WNT2B: variants seen among roughly 807,000 people sequenced by gnomAD.
The protein encoded by WNT2B is Wnt family member 2B.
A neutral mutation model predicts 40.5 loss-of-function variants in WNT2B; 19 were observed. The ratio of observed to expected loss-of-function variants is 0.47; its 90% CI spans 0.33 to 0.69. WNT2B has a LOEUF of 0.69. Among genes scored for constraint, WNT2B ranks in the 30% least tolerant of loss-of-function variants. The pLI is 0.02. For synonymous variants in WNT2B, 220 were observed against 211.9 expected, an observed-to-expected ratio of 1.04 and a Z score of -0.33; for missense variants, 467 against 556.4, an observed-to-expected ratio of 0.84 and a Z score of 1.62.
chr1:112,468,838 G>T (rs1458800271), intron 1 of WNT2B, among the ~76,000 whole-genome samples: 1 of 151,940 alleles, frequency 6.6e-6, no homozygotes, highest in Non-Finnish European at 1.5e-5. Flanking sequence ...TTTTCGTTTT[G>T]TTGCCTGTGC....
chr1:112,510,873 AC>A (rs1388982150), intron 1 of WNT2B, among the ~76,000 whole-genome samples: 2 of 152,034 alleles, frequency 1.3e-5, no homozygotes, highest in Non-Finnish European at 2.9e-5. Flanking sequence ...GATCAAAGCT[AC>A]CTTTTGCCTT....
intron 4 of WNT2B, among the ~76,000 whole-genome samples, chr1:112,518,710 G>C (rs545603435): frequency 1.3e-5 from 2 of 152,224 alleles, no homozygotes; most frequent in Admixed American, 1.3e-4. Context: ...AGTTAGGAGG[G>C]AGGATAAGTC....
At chr1:112,488,992 G>A (rs1206041026) in intron 1 of WNT2B, among the ~76,000 whole-genome samples, 5 of 152,152 alleles carry the variant, frequency 3.3e-5, no homozygotes, top group Admixed American at 2.0e-4. Flanking sequence ...GTAAATTGCA[G>A]TGAAATTAAG....
chr1:112,510,580 G>A (rs1381686426), intron 1 of WNT2B, among the ~76,000 whole-genome samples: 1 of 152,174 alleles, frequency 6.6e-6, no homozygotes. Flanking sequence ...GAAGGGTGAG[G>A]GGTAGCTGGC....
rs1247650379 is a variant in WNT2B at position 112,527,863 on chromosome 1, CTA to C, written c.*7356_*7357del. ...ATGCGCTGCTTCTTTAGGAATGTAA[CTA>C]TGAAGTAAAAGGAAACAGTAAGGAA... On this transcript the variant is annotated 3_prime_UTR_variant, in exon 5 of 5. Transcript: ENST00000369684. 5 of 152,136 alleles carry C rather than the reference CTA, an allele frequency of 3.3e-5. No individual in the cohort carries two copies. Among genetic ancestry groups the C allele is most frequent in the African/African-American group, 7.2e-5 (3 of 41,426 alleles). The allele number at this position is 152,136 out of a possible 1,614,324, so 9.4% of individuals were successfully genotyped here. A position where few individuals can be genotyped will look rare whatever the true frequency, so the allele number is the denominator to read the frequency against.
At chr1:112,474,737 T>C (rs1370162874) in intron 1 of WNT2B, among the ~76,000 whole-genome samples, 1 of 152,216 alleles carries the variant, frequency 6.6e-6, no homozygotes, top group Admixed American at 6.5e-5. Flanking sequence ...TCATGTCGAA[T>C]TGTGATCTCC....
chr1:112,474,493 A>G (rs572431645), intron 1 of WNT2B, among the ~76,000 whole-genome samples: 6 of 152,208 alleles, frequency 3.9e-5, no homozygotes, highest in Non-Finnish European at 7.3e-5. Flanking sequence ...GCTATTACAT[A>G]CAGATGAACA....
chr1:112,484,272 C>CATATATATACACATATATATATACACAT (rs1651336898), intron 1 of WNT2B, among the ~76,000 whole-genome samples: 1 of 123,282 alleles, frequency 8.1e-6, no homozygotes, highest in African/African-American at 3.3e-5. Flanking sequence ...TATATATACA[C>CATATATATACACATATATATATACACAT]ATATATATAT....
intron 1 of WNT2B, among the ~76,000 whole-genome samples, chr1:112,496,983 A>G (rs1306125236): frequency 2.0e-5 from 3 of 152,172 alleles, no homozygotes; most frequent in African/African-American, 7.2e-5. Flanking sequence ...CAAGGCAAAC[A>G]ACGTTAAATC....
chr1:112,484,620 A>G (rs1466371880), intron 1 of WNT2B, among the ~76,000 whole-genome samples: 5 of 151,346 alleles, frequency 3.3e-5, no homozygotes, highest in Non-Finnish European at 7.4e-5. Context: ...TAAATCACCA[A>G]ACTCCATGCC....
Position 112,520,275 on chromosome 1 carries a change from C to A in WNT2B, c.947-5C>A. 1 of 1,613,088 alleles carries A rather than the reference C, an allele frequency of 6.2e-7. No individual in the cohort carries two copies. Among genetic ancestry groups the A allele is most frequent in the Non-Finnish European group, 8.5e-7 (1 of 1,179,546 alleles). On this transcript the variant is annotated splice_polypyrimidine_tract_variant and splice_region_variant and intron_variant, in intron 4 of 4. Transcript: ENST00000369684. ...TGTTCTCACTCCCTCTCTTCCCCAA[C>A]CCAGGTTCCCTAGGCACTGCAGGCC...
At chr1:112,506,758 C>A (rs1274728474), upstream of WNT2B, among the ~76,000 whole-genome samples, 1 of 152,198 alleles carries the variant, frequency 6.6e-6, no homozygotes, top group Non-Finnish European at 1.5e-5. Flanking sequence ...TGGAGCCCAC[C>A]CGACAAAAAG....
At chr1:112,513,187 G>C (rs1024022171) in intron 1 of WNT2B, among the ~76,000 whole-genome samples, 3 of 152,104 alleles carry the variant, frequency 2.0e-5, no homozygotes, top group African/African-American at 7.2e-5. Context: ...GAAGCTGAAC[G>C]GTGGTGAGAC....
At chr1:112,485,451 ACT>A (rs1211902082) in intron 1 of WNT2B, among the ~76,000 whole-genome samples, 59 of 118,588 alleles carry the variant, frequency 5.0e-4, no homozygotes, top group Non-Finnish European at 2.1e-4. Flanking sequence ...ACAAAGTGAG[ACT>A]CTGTCTCAAA....
chr1:112,472,541 C>T (rs1428361967), intron 1 of WNT2B, among the ~76,000 whole-genome samples: 1 of 149,208 alleles, frequency 6.7e-6, no homozygotes, highest in Non-Finnish European at 1.5e-5. Context: ...GCTCTGTTCC[C>T]ACCAACCCCC....
chr1:112,514,316 AT>A (rs918544555), intron 1 of WNT2B, among the ~76,000 whole-genome samples: 4 of 152,046 alleles, frequency 2.6e-5, no homozygotes, highest in South Asian at 2.1e-4. Flanking sequence ...GGGAATGAGG[AT>A]TTTTTTTAGC....
intron 1 of WNT2B, among the ~76,000 whole-genome samples, chr1:112,490,808 T>A (rs1344846098): frequency 6.6e-6 from 1 of 152,148 alleles, no homozygotes; most frequent in Admixed American, 6.5e-5. Flanking sequence ...ATATTCTTAA[T>A]GAAAAGACTA....
Position 112,490,156 on chromosome 1 carries a change from G to A in WNT2B, c.-95+22565G>A, listed in dbSNP as rs1183315687. 3.3e-5 allele frequency among the ~76,000 whole-genome samples: 5 copies of A among 152,194 alleles called. No homozygotes were observed. In the South Asian group the frequency reaches 1.0e-3, roughly 32 times the overall value. On this transcript the variant is annotated intron_variant, in intron 1 of 4. Coordinates refer to the WNT2B transcript ENST00000256640. Reference sequence around the variant, plus strand: ...CAAACAAGAGAGACACCTCGCACAGGTCGATGATGATCAGTGTTAAGAACT... The same window carrying A: ...CAAACAAGAGAGACACCTCGCACAGATCGATGATGATCAGTGTTAAGAACT...
rs1175960945 is a variant in WNT2B, at chr1:112,526,388, G to A, written c.*5879G>A. 1 of 335,966 alleles carries A rather than the reference G, an allele frequency of 3.0e-6. No individual in the cohort carries two copies. The highest frequency in any genetic ancestry group is 5.0e-5 in the East Asian group (1 of 20,160). 20.8% of individuals were successfully genotyped at this position (335,966 alleles called of 1,614,324 possible). A position where few individuals can be genotyped will look rare whatever the true frequency, so the allele number is the denominator to read the frequency against. ...TTTTATCTAGTCCTTTTGAAATTATGCTAAATGTATAGACACAGTAGAAGT... is the reference window on the plus strand; with the variant it reads ...TTTTATCTAGTCCTTTTGAAATTATACTAAATGTATAGACACAGTAGAAGT... On this transcript the variant is annotated 3_prime_UTR_variant, in exon 5 of 5. Transcript: ENST00000369684.
Sources: gnomAD v4.1 joint callset for allele counts (sites outside exome capture counted in the v4.1 genomes callset) on GRCh38, gnomAD v4.1.1 for gene constraint, MANE v1.5 for transcripts, NCBI Gene and HGNC (gene_info 2026-07-23, HGNC 2026-07-21) for gene names.